The following KIAA1549 variants were observed in gnomAD, a reference collection of about 807,000 sequenced individuals.
KIAA1549 encodes KIAA1549.
KIAA1549 carries 70 observed loss-of-function variants against 156.4 expected under a neutral mutation model. That is an observed-to-expected ratio of 0.45 (90% CI 0.37 to 0.55). The LOEUF (loss-of-function observed/expected upper bound fraction) is 0.55, where lower values mean the gene tolerates loss of function less well. KIAA1549 is among the 20% of genes least tolerant of loss of function. The pLI is 0.00. For synonymous variants in KIAA1549, 1,103 were observed against 1,066.4 expected (o/e 1.03, Z -0.67); for missense variants, 2,428 against 2,540.9 (o/e 0.96, Z 0.96).
intron 9 of KIAA1549, among the ~76,000 whole-genome samples, chr7:138,897,964 T>C (rs1213696504): frequency 1.2e-5 from 1 of 83,750 alleles, no homozygotes; most frequent in Non-Finnish European, 2.4e-5. Flanking sequence ...TTTAGAAAAA[T>C]ACACTCTTCC....
At chr7:138,842,672 G>A (rs1259639461) in intron 18 of KIAA1549, among the ~76,000 whole-genome samples, 6 of 141,908 alleles carry the variant, frequency 4.2e-5, no homozygotes, top group Non-Finnish European at 7.6e-5. Context: ...CAGCCTGGGC[G>A]ACAGAACAAA....
At chr7:138,972,563 T>C (rs1814250918) in intron 1 of KIAA1549, among the ~76,000 whole-genome samples, 1 of 151,844 alleles carries the variant, frequency 6.6e-6, no homozygotes, top group Non-Finnish European at 1.5e-5. Context: ...GGCTCACCTT[T>C]CCCAGACACA....
intron 10 of KIAA1549, among the ~76,000 whole-genome samples, chr7:138,887,192 G>A (rs1811417247): frequency 6.6e-6 from 1 of 152,042 alleles, no homozygotes; most frequent in Non-Finnish European, 1.5e-5. Context: ...TTACAGGCAT[G>A]AGCCACCACG....
In KIAA1549 at chr7:138,918,935, T is replaced by A. The variant is rs780477884; in HGVS notation, c.691A>T (p.Thr231Ser). ...AYAESASHFH[T>S]FRSAFRTSEG... ...GAGGTGCGAAAAGCTGACCGAAAGG[T>A]GTGGAAATGACTGGCGGACTCAGCA... Residue 231 changes from threonine (T) to serine (S), a missense_variant, in exon 2 of 20, where the codon ACC becomes TCC. This residue lies in a region of KIAA1549 where 893 missense variants were observed against 847.9 expected (regional missense o/e 1.05). Coordinates refer to ENST00000422774, the MANE Select transcript of KIAA1549 (RefSeq NM_001164665.2). The surrounding 1 kb of genome is among the most constrained non-coding windows in gnomAD (Gnocchi z 4.2). The A allele has an allele frequency of 6.2e-7, 1 of 1,613,872 alleles. No individual in the cohort carries two copies. The highest frequency in any genetic ancestry group is 8.5e-7 in the Non-Finnish European group (1 of 1,179,868).
intron 1 of KIAA1549, among the ~76,000 whole-genome samples, chr7:138,933,934 C>T (rs1812939377): frequency 6.6e-6 from 1 of 152,190 alleles, no homozygotes; most frequent in Non-Finnish European, 1.5e-5. Flanking sequence ...CCACTGTACT[C>T]TAGCCTGGGT....
chr7:138,971,062 C>T (rs546743853), intron 1 of KIAA1549, among the ~76,000 whole-genome samples: 1 of 152,208 alleles, frequency 6.6e-6, no homozygotes, highest in Admixed American at 6.5e-5. Context: ...CTCGACACAA[C>T]ACCCCAGGAC....
At position 138,871,323 on chromosome 7, in the gene KIAA1549, G is replaced by A. The variant is rs752229213; in HGVS notation, c.4385C>T (p.Ser1462Leu). ...LPSSGNEQHS[S>L]ASIFEHVDRI... ...GTCCACGTGCTCGAAGATGGAGGCT[G>A]ATGAGTGCTGCTCATTTCCCGAACT... Residue 1462 changes from serine to leucine, a missense_variant, in exon 13 of 20, where the codon TCA (serine) becomes TTA (leucine). Physicochemically the swap from Ser to Leu is moderately radical, Grantham distance 145 (BLOSUM62 -2). Transcript: ENST00000422774. The A allele has an allele frequency of 1.0e-5, 16 of 1,595,796 alleles. No homozygotes were observed. In the East Asian group the frequency reaches 2.7e-4, roughly 27 times the overall value.
Position 138,832,211 on chromosome 7 carries a change from T to TTTTTTTTTC in KIAA1549, c.*5694_*5695insGAAAAAAAA, listed in dbSNP as rs1563039507. On this transcript the variant is annotated 3_prime_UTR_variant, in exon 20 of 20. Transcript: ENST00000422774. ...TATTCCTTTTTTTTTTTTTTTTTTT[T>TTTTTTTTTC]CCAGAGACAGGACCTCACCCTGCAG... 1 of 182,232 alleles carries TTTTTTTTTC rather than the reference T, an allele frequency of 5.5e-6. No individual in the cohort carries two copies. Among genetic ancestry groups the TTTTTTTTTC allele is most frequent in the African/African-American group, 2.7e-5 (1 of 36,854 alleles). The allele number at this position is 182,232 out of a possible 1,614,324, so 11.3% of individuals were successfully genotyped here. A position where few individuals can be genotyped will look rare whatever the true frequency, so the allele number is the denominator to read the frequency against.
chr7:138,851,614 C>A (rs1414209171), intron 17 of KIAA1549, among the ~76,000 whole-genome samples: 1 of 151,536 alleles, frequency 6.6e-6, no homozygotes, highest in Non-Finnish European at 1.5e-5. Context: ...TAATATAAGG[C>A]CAAGAGTGAT....
chr7:138,900,115 C>T (rs1194925838), intron 8 of KIAA1549, among the ~76,000 whole-genome samples: 3 of 152,198 alleles, frequency 2.0e-5, no homozygotes, highest in South Asian at 2.1e-4. Context: ...TCTGTCCACA[C>T]GTATGGGTTT....
chr7:138,926,008 T>A (rs111352669), intron 1 of KIAA1549, among the ~76,000 whole-genome samples: 1 of 152,164 alleles, frequency 6.6e-6, no homozygotes, highest in African/African-American at 2.4e-5. Context: ...GCTGGGAAAA[T>A]ACCTCCTCCT....
chr7:138,901,484 C>T (rs1811840508), intron 8 of KIAA1549, among the ~76,000 whole-genome samples: 1 of 151,912 alleles, frequency 6.6e-6, no homozygotes, highest in African/African-American at 2.4e-5. Flanking sequence ...CACCACCATG[C>T]CCAGATAATT....
At position 138,981,102 on chromosome 7, in the gene KIAA1549, C is replaced by A. The variant is rs1814533057; in HGVS notation, c.168G>T (p.Arg56=). The change falls in exon 1 of 20, where the codon CGG becomes CGT. Residue 56 remains arginine, a synonymous_variant. Transcript: ENST00000422774. The surrounding 1 kb of genome is among the most constrained non-coding windows in gnomAD (Gnocchi z 4.5). ...LPGLWLLLLA[R]PASCAPDELS... ...GCTTACCTGGGGCGCACGAGGCCGG[C>A]CGGGCCAGCAGCAGCAGCCAGAGGC... 1.6e-6 allele frequency: 2 copies of A among 1,224,190 alleles called. No individual in the cohort carries two copies. Among genetic ancestry groups the A allele is most frequent in the Middle Eastern group, 2.8e-4 (1 of 3,622 alleles). The allele number at this position is 1,224,190 out of a possible 1,614,324, so 75.8% of individuals were successfully genotyped here.
chr7:138,846,549 A>AG (rs1213201990), intron 17 of KIAA1549, among the ~76,000 whole-genome samples: 2 of 151,302 alleles, frequency 1.3e-5, no homozygotes, highest in African/African-American at 2.4e-5. Context: ...AAAAAAAAAA[A>AG]AAAAAAAAGA....
intron 13 of KIAA1549, among the ~76,000 whole-genome samples, chr7:138,870,824 TG>T (rs1810906875): frequency 6.6e-6 from 1 of 152,200 alleles, no homozygotes; most frequent in African/African-American, 2.4e-5. Context: ...TTTTTGTTTT[TG>T]TTTTTGTTTT....
At chr7:138,867,380 C>T (rs1337187842) in intron 15 of KIAA1549, among the ~76,000 whole-genome samples, 1 of 151,918 alleles carries the variant, frequency 6.6e-6, no homozygotes, top group Non-Finnish European at 1.5e-5. Context: ...CATGCTGAGA[C>T]CCCATCTCTA....
chr7:138,936,131 G>C (rs1813002126), intron 1 of KIAA1549, among the ~76,000 whole-genome samples: 1 of 152,196 alleles, frequency 6.6e-6, no homozygotes, highest in Admixed American at 6.5e-5. Flanking sequence ...GATCAGGACG[G>C]TGAAGGGAAC....
chr7:138,951,556 C>G lies in KIAA1549; in HGVS notation c.187+29527G>C, dbSNP rs551714411. ...TGTCTCTGCAGTTCAGTGAGCTGCT[C>G]CCCAATCGTGCTGGCTTAAGCTATA... On this transcript the variant is annotated intron_variant, in intron 1 of 19. Coordinates refer to ENST00000422774, the MANE Select transcript of KIAA1549 (RefSeq NM_001164665.2). Among the ~76,000 whole-genome samples the G allele has an allele frequency of 5.2e-4, 79 of 152,292 alleles. 1 individual carries two copies. Among genetic ancestry groups the G allele is most frequent in the African/African-American group, 1.9e-3 (78 of 41,562 alleles).
At chr7:138,891,445 T>C (rs1032142398) in intron 10 of KIAA1549, among the ~76,000 whole-genome samples, 14 of 152,280 alleles carry the variant, frequency 9.2e-5, no homozygotes, top group African/African-American at 3.4e-4. Flanking sequence ...TAGGCAACAG[T>C]AACAAATGAT....
Sources: allele counts gnomAD v4.1 joint callset (sites outside exome capture counted in the v4.1 genomes callset), GRCh38; gene constraint gnomAD v4.1.1; regional missense constraint gnomAD v4.1.1; non-coding constraint Gnocchi (gnomAD v3.1); transcripts MANE v1.5; gene names NCBI Gene and HGNC (gene_info 2026-07-23, HGNC 2026-07-21).